The following HOOK2 variants were observed in gnomAD, a reference collection of about 807,000 sequenced individuals.
The protein encoded by HOOK2 is protein Hook homolog 2.
In HOOK2, 108 loss-of-function variants were observed where a neutral mutation model predicts 111.9. That is an observed-to-expected ratio of 0.96 (90% CI 0.83 to 1.13). The LOEUF (loss-of-function observed/expected upper bound fraction) is 1.13, where lower values mean the gene tolerates loss of function less well. Among genes scored for constraint, HOOK2 ranks in the 50% most tolerant of loss-of-function variants. The pLI is 0.00. For missense variants in HOOK2, 978 were observed against 951.3 expected, an observed-to-expected ratio of 1.03 and a Z score of -0.37; for synonymous variants, 405 against 394.3, an observed-to-expected ratio of 1.03 and a Z score of -0.32.
chr19:12,771,927 T>A, intron 7 of HOOK2: 1 of 467,116 alleles, frequency 2.1e-6, no homozygotes, highest in Non-Finnish European at 3.8e-6. Context: ...AAAACAGGGC[T>A]GGGGTTGGAG....
At chr19:12,789,248 C>T (rs979739677) in intron 3 of HOOK2, among the ~76,000 whole-genome samples, 8 of 152,028 alleles carry the variant, frequency 5.3e-5, no homozygotes, top group African/African-American at 1.9e-4. Context: ...CTTCTCACCT[C>T]TTGGTCTAGT....
At chr19:12,772,064 T>C in intron 7 of HOOK2, 126 bp downstream of exon 7, 2 of 740,794 alleles carry the variant, frequency 2.7e-6, no homozygotes, top group Non-Finnish European at 4.8e-6. Flanking sequence ...TGAGCATCTG[T>C]AAGTGGGGTC....
Position 12,768,083 on chromosome 19 carries a change from T to C in HOOK2, c.1145A>G (p.Lys382Arg). Residue 382 changes from lysine to arginine, a missense_variant, in exon 12 of 23, where the codon AAG (lysine) becomes AGG (arginine). Lys to Arg is a conservative substitution (Grantham distance 26). This residue lies in a region of HOOK2 where 388 missense variants were observed against 358.3 expected (regional missense o/e 1.08). Coordinates refer to ENST00000397668, the MANE Select transcript of HOOK2 (RefSeq NM_013312.3). Reference protein sequence around the residue: ...LQGQRQEEAMKAEKWLFECRN... With the variant: ...LQGQRQEEAMRAEKWLFECRN... The stretch of plus-strand genomic sequence containing the variant: ...GCATTCAAATAGCCATTTCTCGGCC[T>C]TCATGGCCTCCTCCTGCCGCTGGCC... The C allele has an allele frequency of 6.2e-7, 1 of 1,614,228 alleles. No individual in the cohort carries two copies. Among genetic ancestry groups the C allele is most frequent in the South Asian group, 1.1e-5 (1 of 91,088 alleles).
intron 13 of HOOK2, 143 bp downstream of exon 13, chr19:12,767,673 C>T: frequency 1.1e-6 from 1 of 877,350 alleles, no homozygotes; most frequent in Non-Finnish European, 1.7e-6. Context: ...CCTCTCTCTT[C>T]AATTTGACCG....
upstream of HOOK2, chr19:12,778,595 T>C (rs1968566317): frequency 6.6e-6 from 1 of 152,018 alleles, no homozygotes; most frequent in Non-Finnish European, 1.5e-5. Context: ...CAGGTAGCAA[T>C]GGGAGGTGAG....
upstream of HOOK2, among the ~76,000 whole-genome samples, chr19:12,781,587 A>G (rs903416816): frequency 6.6e-6 from 1 of 152,002 alleles, no homozygotes; most frequent in African/African-American, 2.4e-5. Context: ...TGGCCTCCCA[A>G]AGTGCTGGGA....
In HOOK2 at chr19:12,791,863, A is replaced by G. The variant is rs1367407948; in HGVS notation, n.42-17638T>C. 2 of 1,613,522 alleles carry G rather than the reference A, an allele frequency of 1.2e-6. No homozygotes were observed. The highest frequency in any genetic ancestry group is 1.7e-6 in the Non-Finnish European group (2 of 1,179,876). ...GCCCCTGGTGGCCTCTCTCTACACG[A>G]CTACAAACTCCTGAAACCGAGCCTG... On this transcript the variant is annotated intron_variant and non_coding_transcript_variant, in intron 3 of 3. Coordinates refer to the HOOK2 transcript ENST00000589765. This position sits in a 1 kb window ranked among gnomAD's most constrained non-coding sequence, Gnocchi z 7.0.
chr19:12,791,152 C>G lies in HOOK2; in HGVS notation n.42-16927G>C, dbSNP rs1400395822. Among the ~76,000 whole-genome samples, 1 of 152,184 alleles carries G rather than the reference C, an allele frequency of 6.6e-6. No individual in the cohort carries two copies. Among genetic ancestry groups the G allele is most frequent in the African/African-American group, 2.4e-5 (1 of 41,434 alleles). ...ACTGGGACCCTCACCCCACTTGCTGCGTACCAGGTCCTGGTATTTGTCCCA... is the reference window on the plus strand; with the variant it reads ...ACTGGGACCCTCACCCCACTTGCTGGGTACCAGGTCCTGGTATTTGTCCCA... On this transcript the variant is annotated intron_variant and non_coding_transcript_variant, in intron 3 of 3. Coordinates refer to the HOOK2 transcript ENST00000589765. The surrounding 1 kb of genome is among the most constrained non-coding windows in gnomAD (Gnocchi z 7.0).
In HOOK2 at chr19:12,771,202, G is replaced by A. The variant is rs1968318511; in HGVS notation, c.718C>T (p.Leu240=). The A allele has an allele frequency of 6.2e-7, 1 of 1,612,902 alleles. No homozygotes were observed. The highest frequency in any genetic ancestry group is 8.5e-7 in the Non-Finnish European group (1 of 1,179,530). The change falls in exon 9 of 23, where the codon CTG becomes TTG. Residue 240 remains leucine, a synonymous_variant. Transcript: ENST00000397668. ...TPGLTAKKLL[L]LQSQLEQLQE... is the part of the protein sequence containing the mutation. The stretch of plus-strand genomic sequence containing the variant: ...AACTGCTCCAGCTGGGATTGCAGCA[G>A]CAGCAGCTTCTTGGCAGTGAGACCT...
chr19:12,765,944 C>A lies in HOOK2; in HGVS notation c.1582G>T (p.Gly528Trp), dbSNP rs868014151. ...ACACTCACATCTTCAGTCTTGCCCCCCTGCTCCTGCAGGGCTTTCTGCAGG... is the reference window on the plus strand; with the variant it reads ...ACACTCACATCTTCAGTCTTGCCCCACTGCTCCTGCAGGGCTTTCTGCAGG... ...EDLQKALQEQ[G>W]GKTEDAISIL... Residue 528 changes from glycine to tryptophan, a missense_variant, in exon 16 of 23, where the codon GGG becomes TGG. Physicochemically the swap from Gly to Trp is radical, Grantham distance 184. This residue lies in a region of HOOK2 where 277 missense variants were observed against 265.8 expected (regional missense o/e 1.04). Coordinates refer to ENST00000397668, the MANE Select transcript of HOOK2 (RefSeq NM_013312.3). 6.2e-7 allele frequency: 1 copy of A among 1,614,094 alleles called. No homozygotes were observed. Among genetic ancestry groups the A allele is most frequent in the Non-Finnish European group, 8.5e-7 (1 of 1,179,988 alleles).
At chr19:12,774,111 T>C (rs1968421272) in intron 3 of HOOK2, 1 of 153,582 alleles carries the variant, frequency 6.5e-6, no homozygotes, top group South Asian at 1.9e-4. Flanking sequence ...TTTTTCTTTT[T>C]TTCTTCTTCT....
rs1051797682 is a variant in HOOK2, at chr19:12,775,544, G to A, written c.-95C>T. The stretch of plus-strand genomic sequence containing the variant: ...CGAGCGCCCGCAGCCCCGACCTCCC[G>A]CTCGGCCTAGAGCGCCGCCCCGCCC... On this transcript the variant is annotated 5_prime_UTR_variant, in exon 1 of 23. Coordinates refer to ENST00000397668, the MANE Select transcript of HOOK2 (RefSeq NM_013312.3). The A allele has an allele frequency of 2.2e-6, 3 of 1,381,168 alleles. No homozygotes were observed. The highest frequency in any genetic ancestry group is 2.7e-5 in the South Asian group (2 of 73,744). The allele number at this position is 1,381,168 out of a possible 1,614,324, so 85.6% of individuals were successfully genotyped here. A position where few individuals can be genotyped will look rare whatever the true frequency, so the allele number is the denominator to read the frequency against.
At position 12,786,347 on chromosome 19, in the gene HOOK2, C is replaced by T. The variant is rs1024510717; in HGVS notation, n.42-12122G>A. ...GTTTCCTAGTGAGGGCCCCACTGGT[C>T]AGTGGGGCCAGCAGGGAGGGGGGTC... On this transcript the variant is annotated intron_variant and non_coding_transcript_variant, in intron 3 of 3. Transcript: ENST00000589765. The surrounding 1 kb of genome is among the most constrained non-coding windows in gnomAD (Gnocchi z 4.3). Among the ~76,000 whole-genome samples the T allele has an allele frequency of 5.9e-5, 9 of 152,182 alleles. No individual in the cohort carries two copies. Among genetic ancestry groups the T allele is most frequent in the Middle Eastern group, 3.4e-3 (1 of 294 alleles).
At chr19:12,763,859 T>C (rs1447685661) in intron 20 of HOOK2, 81 bp from the exon 21 acceptor site, 12 of 922,806 alleles carry the variant, frequency 1.3e-5, no homozygotes, top group Non-Finnish European at 2.0e-5. Flanking sequence ...TATTCATTCA[T>C]TCTTTCATTC....
rs1201240132 is a variant in HOOK2, at chr19:12,765,817, C to A, written c.1605+12G>T. 1 of 1,613,154 alleles carries A rather than the reference C, an allele frequency of 6.2e-7. No homozygotes were observed. Among genetic ancestry groups the A allele is most frequent in the Non-Finnish European group, 8.5e-7 (1 of 1,179,242 alleles). On this transcript the variant is annotated intron_variant, in intron 17 of 22. Transcript: ENST00000397668. ...AGGGTAGGGGGTGCCATCCTGGGCC[C>A]ATGGTACTTACAATGGCCTGTATGG...
Position 12,765,698 on chromosome 19 carries a change from C to T in HOOK2, c.1632G>A (p.Glu544=). 3.1e-6 allele frequency: 5 copies of T among 1,614,188 alleles called. No individual in the cohort carries two copies. Among genetic ancestry groups the T allele is most frequent in the Non-Finnish European group, 4.2e-6 (5 of 1,180,040 alleles). The change falls in exon 18 of 23, where the codon GAG becomes GAA. Residue 544 remains glutamate, a synonymous_variant. Transcript: ENST00000397668. ...AISILLKRKL[E]EHLQKLHEAD... is the part of the protein sequence containing the mutation. ...CTCTTTCTGCGACTTACAAATGTTC[C>T]TCCAGCTTCCTTTTCAGCAAAATGG...
At chr19:12,766,422 G>T (rs1453794642) in intron 14 of HOOK2, 182 bp from the exon 15 acceptor site, 3 of 701,298 alleles carry the variant, frequency 4.3e-6, no homozygotes, top group Non-Finnish European at 4.5e-6. Flanking sequence ...TAAAGTGGAC[G>T]GAGCTCTAAG....
chr19:12,779,641 C>A (rs557392658), upstream of HOOK2, among the ~76,000 whole-genome samples: 1 of 152,322 alleles, frequency 6.6e-6, no homozygotes, highest in East Asian at 1.9e-4. Context: ...CAGGCGTGAG[C>A]CACGGCGCCT....
rs1352019138 is a variant in HOOK2, at chr19:12,775,534, C to G, written c.-85G>C. 4 of 1,458,416 alleles carry G rather than the reference C, an allele frequency of 2.7e-6. No homozygotes were observed. The highest frequency in any genetic ancestry group is 3.7e-6 in the Non-Finnish European group (4 of 1,085,616). 90.3% of individuals were successfully genotyped at this position (1,458,416 alleles called of 1,614,324 possible). A position where few individuals can be genotyped will look rare whatever the true frequency, so the allele number is the denominator to read the frequency against. On this transcript the variant is annotated 5_prime_UTR_variant, in exon 1 of 23. Transcript: ENST00000397668. ...CCGCCACCAGCGAGCGCCCGCAGCC[C>G]CGACCTCCCGCTCGGCCTAGAGCGC...
Sources: allele counts gnomAD v4.1 joint callset (sites outside exome capture counted in the v4.1 genomes callset), GRCh38; gene constraint gnomAD v4.1.1; regional missense constraint gnomAD v4.1.1; non-coding constraint Gnocchi (gnomAD v3.1); transcripts MANE v1.5; gene names NCBI Gene and HGNC (gene_info 2026-07-23, HGNC 2026-07-21).